The following INPP5A variants were observed in gnomAD, a reference collection of about 807,000 sequenced individuals.
INPP5A encodes 43 kDa inositol polyphosphate 5-phophatase.
INPP5A carries 14 observed loss-of-function variants against 65.2 expected under a neutral mutation model. That is an observed-to-expected ratio of 0.21 (90% CI 0.14 to 0.34). The LOEUF is 0.34. INPP5A is among the 10% of genes least tolerant of loss of function. INPP5A has a pLI of 1.00. For synonymous variants in INPP5A, 207 were observed against 208.3 expected (o/e 0.99, Z 0.05); for missense variants, 431 against 545.6 (o/e 0.79, Z 2.09).
rs2070960181 is a variant in INPP5A, at chr10:132,545,630, C to A, written c.75+7459C>A. ...GAGGGTGCGGAACAGGCAGGCTGTT[C>A]CCATGCGGACCTGAAAGTGCTGTCA... On this transcript the variant is annotated intron_variant, in intron 1 of 15. Transcript: ENST00000368594. This position sits in a 1 kb window ranked among gnomAD's most constrained non-coding sequence, Gnocchi z 4.6. Among the ~76,000 whole-genome samples, 1 of 152,236 alleles carries A rather than the reference C, an allele frequency of 6.6e-6. No homozygotes were observed. The highest frequency in any genetic ancestry group is 2.1e-4 in the South Asian group (1 of 4,834).
chr10:132,709,973 G>A (rs1179052111), intron 7 of INPP5A, among the ~76,000 whole-genome samples: 2 of 152,238 alleles, frequency 1.3e-5, no homozygotes, highest in African/African-American at 2.4e-5. Context: ...CAGGGTCCCC[G>A]ATGGGTGCAG....
Position 132,549,643 on chromosome 10 carries a change from G to A in INPP5A, c.75+11472G>A, listed in dbSNP as rs2071024850. ...TGTGATGAGCATGGGGAGTGCAGGT[G>A]AAGCAGGAGCAGACAGGTGCGTGTC... On this transcript the variant is annotated intron_variant, in intron 1 of 15. Coordinates refer to ENST00000368594, the MANE Select transcript of INPP5A (RefSeq NM_005539.5). The surrounding 1 kb of genome is among the most constrained non-coding windows in gnomAD (Gnocchi z 4.9). Among the ~76,000 whole-genome samples the A allele has an allele frequency of 6.6e-6, 1 of 152,222 alleles. No homozygotes were observed. Among genetic ancestry groups the A allele is most frequent in the Admixed American group, 6.5e-5 (1 of 15,288 alleles).
At chr10:132,648,357 G>A (rs560393039) in intron 3 of INPP5A, among the ~76,000 whole-genome samples, 32 of 152,388 alleles carry the variant, frequency 2.1e-4, no homozygotes, top group African/African-American at 6.7e-4. Flanking sequence ...TCCTTCCTCC[G>A]CGCTTTATGC....
chr10:132,602,230 C>T (rs2071785154), intron 1 of INPP5A, among the ~76,000 whole-genome samples: 2 of 152,152 alleles, frequency 1.3e-5, no homozygotes, highest in African/African-American at 4.8e-5. Context: ...GATTTTAAAA[C>T]ATTTTCTTTT....
chr10:132,540,999 GTTTTTGTTTTA>G (rs1389179365), intron 1 of INPP5A, among the ~76,000 whole-genome samples: 50 of 146,448 alleles, frequency 3.4e-4, no homozygotes, highest in East Asian at 8.2e-4. Context: ...TCCCCCTCTT[GTTTTTGTTTTA>G]GACAGGGTCT....
chr10:132,592,693 C>T (rs1322343522), intron 1 of INPP5A, among the ~76,000 whole-genome samples: 1 of 152,234 alleles, frequency 6.6e-6, no homozygotes, highest in Non-Finnish European at 1.5e-5. Context: ...AGGCGTGAGC[C>T]ACCGTGTCCG....
At chr10:132,621,361 T>A (rs1279353003) in intron 2 of INPP5A, among the ~76,000 whole-genome samples, 2 of 152,198 alleles carry the variant, frequency 1.3e-5, no homozygotes, top group Non-Finnish European at 2.9e-5. Flanking sequence ...AGGTTAAGAA[T>A]ACTCCTGTGG....
At chr10:132,725,420 G>A (rs1845968748) in intron 8 of INPP5A, among the ~76,000 whole-genome samples, 1 of 152,244 alleles carries the variant, frequency 6.6e-6, no homozygotes, top group African/African-American at 2.4e-5. Context: ...CAACCCGAGG[G>A]TGGAGGTGTC....
At chr10:132,692,188 C>T (rs1473968803) in intron 5 of INPP5A, among the ~76,000 whole-genome samples, 4 of 152,020 alleles carry the variant, frequency 2.6e-5, no homozygotes, top group Admixed American at 1.3e-4. Flanking sequence ...TGTGCACACG[C>T]GGCTGAGGGA....
chr10:132,630,274 G>T (rs1057497590), intron 2 of INPP5A, among the ~76,000 whole-genome samples: 1 of 139,526 alleles, frequency 7.2e-6, no homozygotes, highest in Non-Finnish European at 1.6e-5. Flanking sequence ...TGAGGGGAAG[G>T]CATCCTTGAG....
chr10:132,742,815 G>C (rs536216771), intron 9 of INPP5A, among the ~76,000 whole-genome samples: 1 of 152,342 alleles, frequency 6.6e-6, no homozygotes, highest in South Asian at 2.1e-4. Context: ...TCTCTTTGCC[G>C]AGATTTATCA....
At chr10:132,729,539 G>A (rs2134589579) in intron 9 of INPP5A, among the ~76,000 whole-genome samples, 1 of 152,336 alleles carries the variant, frequency 6.6e-6, no homozygotes, top group South Asian at 2.1e-4. Flanking sequence ...GGACCTTCCA[G>A]TTTCAGGTCT....
chr10:132,763,148 G>A (rs1846763375), intron 11 of INPP5A, among the ~76,000 whole-genome samples: 1 of 152,210 alleles, frequency 6.6e-6, no homozygotes, highest in Non-Finnish European at 1.5e-5. Context: ...AGAGATTCAG[G>A]GAACCTGCCA....
intron 2 of INPP5A, among the ~76,000 whole-genome samples, chr10:132,624,213 A>G (rs2072146866): frequency 6.6e-6 from 1 of 152,176 alleles, no homozygotes; most frequent in African/African-American, 2.4e-5. Flanking sequence ...GCAAATGTTC[A>G]CAGCTGCTTC....
Position 132,627,058 on chromosome 10 carries a change from G to A in INPP5A, c.118-18810G>A, listed in dbSNP as rs1006935975. On this transcript the variant is annotated intron_variant, in intron 2 of 15. Coordinates refer to ENST00000368594, the MANE Select transcript of INPP5A (RefSeq NM_005539.5). The surrounding 1 kb of genome is among the most constrained non-coding windows in gnomAD (Gnocchi z 6.6). ...GATGAGGTTATGCGGTGGGCCCCCC[G>A]GATGGGATGGGTGCCCTTACAAGAA... is the stretch of plus-strand genomic sequence containing the variant. 2.6e-5 allele frequency among the ~76,000 whole-genome samples: 4 copies of A among 152,076 alleles called. No individual in the cohort carries two copies. Among genetic ancestry groups the A allele is most frequent in the Non-Finnish European group, 1.5e-5 (1 of 68,024 alleles).
At chr10:132,592,773 C>T (rs2071634547) in intron 1 of INPP5A, among the ~76,000 whole-genome samples, 1 of 152,250 alleles carries the variant, frequency 6.6e-6, no homozygotes, top group African/African-American at 2.4e-5. Context: ...ATCTGAGGCA[C>T]ACGCAGGACT....
chr10:132,705,415 C>T lies in INPP5A; in HGVS notation c.475-2898C>T, dbSNP rs1432965970. On this transcript the variant is annotated intron_variant, in intron 6 of 15. Coordinates refer to ENST00000368594, the MANE Select transcript of INPP5A (RefSeq NM_005539.5). This position sits in a 1 kb window ranked among gnomAD's most constrained non-coding sequence, Gnocchi z 4.9. The stretch of plus-strand genomic sequence containing the variant: ...GGATGCCTTGGCCAGCCTCCTGGAG[C>T]TTTGGCACAGCCCATGTTGTTTGGC... Among the ~76,000 whole-genome samples the T allele has an allele frequency of 6.6e-6, 1 of 152,228 alleles. No individual in the cohort carries two copies. Among genetic ancestry groups the T allele is most frequent in the South Asian group, 2.1e-4 (1 of 4,836 alleles).
chr10:132,722,494 C>T (rs1047853166), intron 8 of INPP5A, among the ~76,000 whole-genome samples: 1 of 152,260 alleles, frequency 6.6e-6, no homozygotes, highest in Non-Finnish European at 1.5e-5. Context: ...ACCGTGGGGC[C>T]TCCCACGGTG....
At chr10:132,540,733 C>A (rs757010689) in intron 1 of INPP5A, among the ~76,000 whole-genome samples, 1 of 152,252 alleles carries the variant, frequency 6.6e-6, no homozygotes, top group Non-Finnish European at 1.5e-5. Context: ...CAGCCCGTCC[C>A]GTGCTGACGA....
Sources: allele counts gnomAD v4.1 joint callset (sites outside exome capture counted in the v4.1 genomes callset), GRCh38; gene constraint gnomAD v4.1.1; non-coding constraint Gnocchi (gnomAD v3.1); transcripts MANE v1.5; gene names NCBI Gene and HGNC (gene_info 2026-07-23, HGNC 2026-07-21).